The following DLG2 variants were observed in gnomAD, a reference collection of about 807,000 sequenced individuals.
DLG2 encodes discs large MAGUK scaffold protein 2.
DLG2 carries 45 observed loss-of-function variants against 132.5 expected under a neutral mutation model. The observed-to-expected ratio is 0.34, with a 90% CI of 0.27 to 0.44. The LOEUF (loss-of-function observed/expected upper bound fraction) is 0.44. Ranked by LOEUF, DLG2 falls within the 20% of genes least tolerant of loss-of-function variation. The pLI, the probability that DLG2 is intolerant of heterozygous loss-of-function variation, is 1.00. For synonymous variants in DLG2, 424 were observed against 419.6 expected (o/e 1.01, Z -0.13); for missense variants, 1,045 against 1,196.9 (o/e 0.87, Z 1.87).
intron 7 of DLG2, among the ~76,000 whole-genome samples, chr11:84,496,118 T>C (rs1024532643): frequency 3.9e-5 from 6 of 152,148 alleles, no homozygotes; most frequent in Non-Finnish European, 8.8e-5. Flanking sequence ...TGGTTCATCA[T>C]AGGCAATAAG....
At chr11:85,094,270 G>T (rs2069354887) in intron 6 of DLG2, among the ~76,000 whole-genome samples, 1 of 152,172 alleles carries the variant, frequency 6.6e-6, no homozygotes, top group Non-Finnish European at 1.5e-5. Flanking sequence ...TGGTAATTAA[G>T]CAGTGGCTTA....
intron 11 of DLG2, among the ~76,000 whole-genome samples, chr11:83,989,701 A>G (rs905262430): frequency 6.6e-6 from 1 of 152,160 alleles, no homozygotes; most frequent in African/African-American, 2.4e-5. Context: ...CAGGGCTAAT[A>G]AAGTCCCACT....
chr11:85,234,618 G>C (rs1225344841), intron 4 of DLG2, among the ~76,000 whole-genome samples: 11 of 152,012 alleles, frequency 7.2e-5, no homozygotes, highest in Admixed American at 7.2e-4. Flanking sequence ...CACTCTTTCT[G>C]TCTATCCATT....
At chr11:84,240,244 G>C (rs962208387) in intron 8 of DLG2, among the ~76,000 whole-genome samples, 4 of 152,186 alleles carry the variant, frequency 2.6e-5, no homozygotes, top group Non-Finnish European at 5.9e-5. Flanking sequence ...AAAGGTACTT[G>C]GGTCCTTTTA....
chr11:84,884,628 T>A (rs1475929371), intron 6 of DLG2, among the ~76,000 whole-genome samples: 1 of 151,986 alleles, frequency 6.6e-6, no homozygotes. Flanking sequence ...TTTAAATTGC[T>A]CTTTGTAAGG....
Position 84,166,522 on chromosome 11 carries a change from A to AAAAG in DLG2, c.574-3015_574-3012dup, listed in dbSNP as rs539763492. On this transcript the variant is annotated intron_variant, in intron 8 of 27. Transcript: ENST00000376104. ...CTTCAAAAAAAAAAAAAAAAAAAAG[A>AAAAG]AAAGAAAGAAAGAAAGAAAGAAAAA... 4.1e-3 allele frequency among the ~76,000 whole-genome samples: 587 copies of AAAAG among 141,556 alleles called. 2 individuals are homozygous for AAAAG. The highest frequency in any genetic ancestry group is 0.011 in the African/African-American group (409 of 38,160). 92.9% of individuals were successfully genotyped at this position (141,556 alleles called of 152,430 possible). A position where few individuals can be genotyped will look rare whatever the true frequency, so the allele number is the denominator to read the frequency against.
At chr11:84,485,218 C>CA (rs1246744688) in intron 7 of DLG2, among the ~76,000 whole-genome samples, 1 of 152,096 alleles carries the variant, frequency 6.6e-6, no homozygotes, top group Non-Finnish European at 1.5e-5. Flanking sequence ...TCCCTATTTA[C>CA]CCCTTCTCTA....
chr11:85,512,528 T>C (rs537882042), intron 3 of DLG2, among the ~76,000 whole-genome samples: 4 of 152,234 alleles, frequency 2.6e-5, no homozygotes, highest in South Asian at 2.1e-4. Context: ...AGATAACGTA[T>C]CTTGAGTTAA....
chr11:85,555,524 T>C (rs2076893143), intron 3 of DLG2, among the ~76,000 whole-genome samples: 1 of 151,938 alleles, frequency 6.6e-6, no homozygotes, highest in South Asian at 2.1e-4. Context: ...TGCCTAATTT[T>C]CTAAGCATCT....
intron 16 of DLG2, among the ~76,000 whole-genome samples, chr11:83,846,468 C>T (rs750408738): frequency 6.6e-6 from 1 of 152,180 alleles, no homozygotes; most frequent in Non-Finnish European, 1.5e-5. Context: ...TTCTACAGCC[C>T]CCCAAGTTTG....
intron 6 of DLG2, among the ~76,000 whole-genome samples, chr11:85,040,956 G>A (rs992818714): frequency 6.6e-6 from 1 of 151,838 alleles, no homozygotes; most frequent in Non-Finnish European, 1.5e-5. Flanking sequence ...TTTCCAGTTA[G>A]TAATAGGTGG....
chr11:84,544,916 A>G (rs2099386624), intron 6 of DLG2, among the ~76,000 whole-genome samples: 1 of 152,232 alleles, frequency 6.6e-6, no homozygotes, highest in Non-Finnish European at 1.5e-5. Flanking sequence ...CTTCACTTCC[A>G]CAGAACAGAA....
At chr11:84,784,292 C>G (rs2072414532) in intron 6 of DLG2, among the ~76,000 whole-genome samples, 1 of 147,648 alleles carries the variant, frequency 6.8e-6, no homozygotes, top group East Asian at 2.0e-4. Flanking sequence ...TGCATTTCAG[C>G]CTGGGCAACA....
chr11:84,562,027 A>G (rs547602157), intron 6 of DLG2, among the ~76,000 whole-genome samples: 17 of 152,300 alleles, frequency 1.1e-4, no homozygotes, highest in African/African-American at 3.8e-4. Flanking sequence ...CCCCTTATGT[A>G]ACCATAAGAA....
intron 8 of DLG2, among the ~76,000 whole-genome samples, chr11:84,240,015 T>A (rs754875604): frequency 1.3e-5 from 2 of 152,230 alleles, no homozygotes; most frequent in Non-Finnish European, 2.9e-5. Context: ...AAAGGTTATA[T>A]GGCTCAGTCT....
intron 6 of DLG2, among the ~76,000 whole-genome samples, chr11:84,663,007 A>G (rs1269322946): frequency 6.6e-6 from 1 of 151,956 alleles, no homozygotes; most frequent in Non-Finnish European, 1.5e-5. Flanking sequence ...ACCCTCTTCC[A>G]ATTTCCTAGC....
At chr11:83,599,032 T>C (rs2058086794) in intron 19 of DLG2, among the ~76,000 whole-genome samples, 1 of 152,216 alleles carries the variant, frequency 6.6e-6, no homozygotes, top group Admixed American at 6.5e-5. Context: ...CTTGGATTGC[T>C]GCAGCAGCCA....
At chr11:85,415,042 G>A (rs2089698555) in intron 3 of DLG2, among the ~76,000 whole-genome samples, 1 of 152,012 alleles carries the variant, frequency 6.6e-6, no homozygotes, top group Non-Finnish European at 1.5e-5. Flanking sequence ...CCCAGTGTAT[G>A]ATGTACCTCT....
chr11:84,209,680 G>T (rs2096725079), intron 8 of DLG2, among the ~76,000 whole-genome samples: 1 of 152,014 alleles, frequency 6.6e-6, no homozygotes, highest in Non-Finnish European at 1.5e-5. Flanking sequence ...AGCAAGATGG[G>T]ATATATGAAT....
Sources: allele counts gnomAD v4.1 joint callset (sites outside exome capture counted in the v4.1 genomes callset), GRCh38; gene constraint gnomAD v4.1.1; transcripts MANE v1.5; gene names NCBI Gene and HGNC (gene_info 2026-07-23, HGNC 2026-07-21).